SERPINB7: variants seen among roughly 807,000 people sequenced by gnomAD.
SERPINB7 encodes serpin family B member 7, also known as serpin B7.
A neutral mutation model predicts 37.4 loss-of-function variants in SERPINB7; 31 were observed. That is an observed-to-expected ratio of 0.83 (90% confidence interval 0.62 to 1.12). The LOEUF is 1.12. SERPINB7 is among the 50% of genes most tolerant of loss of function. The pLI is 0.00. For missense variants in SERPINB7, 521 were observed against 455.3 expected (o/e 1.14, Z -1.31); for synonymous variants, 163 against 166.1 (o/e 0.98, Z 0.14).
upstream of SERPINB7, among the ~76,000 whole-genome samples, chr18:63,772,920 A>G (rs1333150098): frequency 1.3e-5 from 2 of 152,146 alleles, no homozygotes; most frequent in Non-Finnish European, 2.9e-5. Flanking sequence ...TAAGGACAAT[A>G]TTATATCATG....
At chr18:63,802,579 A>G (rs1232687432) in intron 7 of SERPINB7, among the ~76,000 whole-genome samples, 1 of 152,196 alleles carries the variant, frequency 6.6e-6, no homozygotes, top group Admixed American at 6.5e-5. Flanking sequence ...ATATGTATAG[A>G]TATGCATATT....
intron 1 of SERPINB7, among the ~76,000 whole-genome samples, chr18:63,767,201 G>A (rs544882867): frequency 5.9e-5 from 9 of 152,168 alleles, no homozygotes; most frequent in African/African-American, 1.7e-4. Flanking sequence ...TCACACATTC[G>A]CCGAACTTTT....
chr18:63,755,566 G>A (rs2049117324), intron 1 of SERPINB7, among the ~76,000 whole-genome samples: 1 of 152,124 alleles, frequency 6.6e-6, no homozygotes, highest in Non-Finnish European at 1.5e-5. Flanking sequence ...GGCAAGCTAT[G>A]CTTAACAGAT....
intron 1 of SERPINB7, among the ~76,000 whole-genome samples, chr18:63,767,669 T>C (rs929250130): frequency 1.3e-5 from 2 of 152,186 alleles, no homozygotes; most frequent in Admixed American, 1.3e-4. Context: ...TAATATTTTA[T>C]TCTGGATTTT....
At chr18:63,754,266 T>C (rs1272731764) in intron 1 of SERPINB7, among the ~76,000 whole-genome samples, 1 of 152,190 alleles carries the variant, frequency 6.6e-6, no homozygotes, top group Admixed American at 6.5e-5. Flanking sequence ...TGATAGAGGA[T>C]AGAATTAGGA....
rs769378968 is a variant in SERPINB7, at chr18:63,804,800, G to C, written c.*165G>C. The C allele has an allele frequency of 7.8e-6, 5 of 644,410 alleles. No individual in the cohort carries two copies. Among genetic ancestry groups the C allele is most frequent in the Non-Finnish European group, 1.1e-5 (4 of 380,750 alleles). 39.9% of individuals were successfully genotyped at this position (644,410 alleles called of 1,614,324 possible). On this transcript the variant is annotated 3_prime_UTR_variant, in exon 8 of 8. Transcript: ENST00000398019. ...GTGACTTGACCCTTCCTAGACACCT[G>C]GTTGATTGTCCTGATCCCTGCTCTT...
intron 2 of SERPINB7, among the ~76,000 whole-genome samples, chr18:63,786,210 G>GTATATATATATATATATA (rs143561199): frequency 1.4e-4 from 9 of 64,328 alleles, no homozygotes; most frequent in Middle Eastern, 0.01. Context: ...GCACATACGT[G>GTATATATATATATATATA]TATATATATA....
intron 2 of SERPINB7, among the ~76,000 whole-genome samples, chr18:63,788,079 T>G (rs1191940025): frequency 6.6e-6 from 1 of 152,224 alleles, no homozygotes; most frequent in African/African-American, 2.4e-5. Flanking sequence ...ATTTATGCAT[T>G]TACAACAGTA....
intron 1 of SERPINB7, 66 bp from the exon 2 acceptor site, chr18:63,782,289 A>G: frequency 1.0e-6 from 1 of 987,778 alleles, no homozygotes; most frequent in South Asian, 4.1e-5. Context: ...AAATAAATAA[A>G]TCTAAAAATA....
At chr18:63,783,499 C>G (rs543400673) in intron 2 of SERPINB7, among the ~76,000 whole-genome samples, 6 of 152,148 alleles carry the variant, frequency 3.9e-5, no homozygotes, top group Non-Finnish European at 7.4e-5. Context: ...GGCACAAAAA[C>G]ATCATAGTAC....
chr18:63,772,860 T>C (rs1296769734), upstream of SERPINB7, among the ~76,000 whole-genome samples: 1 of 152,172 alleles, frequency 6.6e-6, no homozygotes, highest in Non-Finnish European at 1.5e-5. Flanking sequence ...GTTGGAATTC[T>C]GATCAGAGAG....
chr18:63,804,411 C>A lies in SERPINB7; in HGVS notation c.919C>A (p.Leu307Ile). 8 of 1,613,748 alleles carry A rather than the reference C, an allele frequency of 5.0e-6. 1 individual carries two copies. Among genetic ancestry groups the A allele is most frequent in the Non-Finnish European group, 5.9e-6 (7 of 1,179,854 alleles). Residue 307 changes from leucine to isoleucine, a missense_variant, in exon 8 of 8, where the codon CTC becomes ATC. Coordinates refer to ENST00000398019, the MANE Select transcript of SERPINB7 (RefSeq NM_003784.4). ...TATCTTTGATGAATCCAAAGCAGAT[C>A]TCTCTGGGATTGCTTCGGGGGGTCG... ...KDIFDESKAD[L>I]SGIASGGRLY...
intron 1 of SERPINB7, among the ~76,000 whole-genome samples, chr18:63,756,809 T>TGTGTGTGC (rs1306208522): frequency 2.3e-5 from 3 of 128,292 alleles, no homozygotes; most frequent in Non-Finnish European, 4.6e-5. Flanking sequence ...GTAGCTTGTG[T>TGTGTGTGC]GTGTGTGTGT....
At chr18:63,753,859 C>T (rs1231953081) in intron 1 of SERPINB7, among the ~76,000 whole-genome samples, 6 of 152,104 alleles carry the variant, frequency 3.9e-5, no homozygotes, top group Non-Finnish European at 8.8e-5. Context: ...CCAACAAATC[C>T]CAAACTATGT....
chr18:63,794,526 T>C (rs1010409817), intron 4 of SERPINB7, among the ~76,000 whole-genome samples: 3 of 151,724 alleles, frequency 2.0e-5, no homozygotes, highest in Non-Finnish European at 4.4e-5. Context: ...CTGTCTCTAC[T>C]AAAAATACAA....
At chr18:63,787,400 C>A (rs2049383476) in intron 2 of SERPINB7, among the ~76,000 whole-genome samples, 2 of 152,052 alleles carry the variant, frequency 1.3e-5, no homozygotes, top group South Asian at 4.1e-4. Context: ...CAACCAAATT[C>A]ATATCAAAAG....
chr18:63,759,521 AT>A (rs1305755294), intron 1 of SERPINB7, among the ~76,000 whole-genome samples: 1 of 151,194 alleles, frequency 6.6e-6, no homozygotes, highest in African/African-American at 2.4e-5. Flanking sequence ...TTCCATTATT[AT>A]TTTTTTCTTT....
intron 1 of SERPINB7, among the ~76,000 whole-genome samples, chr18:63,768,514 C>G (rs112923927): frequency 0.013 from 1,941 of 152,182 alleles, 46 homozygotes; most frequent in African/African-American, 0.044. Flanking sequence ...CACTCATTTC[C>G]AAAGTCACTT....
Position 63,782,366 on chromosome 18 carries a change from T to C in SERPINB7, c.-7T>C, listed in dbSNP as rs1255973968. On this transcript the variant is annotated 5_prime_UTR_variant, in exon 2 of 8. Transcript: ENST00000398019. The stretch of plus-strand genomic sequence containing the variant: ...TCATTGTCCTCTAGGCTGCACTCCA[T>C]TTTGCAATGGCCTCCCTTGCTGCAG... The C allele has an allele frequency of 6.2e-7, 1 of 1,607,704 alleles. No individual in the cohort carries two copies. The highest frequency in any genetic ancestry group is 8.5e-7 in the Non-Finnish European group (1 of 1,176,194).
Sources: gnomAD v4.1 joint callset for allele counts (sites outside exome capture counted in the v4.1 genomes callset) on GRCh38, gnomAD v4.1.1 for gene constraint, MANE v1.5 for transcripts, NCBI Gene and HGNC (gene_info 2026-07-23, HGNC 2026-07-21) for gene names.